Variants in CHCHD3 observed in about 807,000 individuals in gnomAD.
The protein encoded by CHCHD3 is MICOS complex subunit MIC19.
CHCHD3 carries 20 observed loss-of-function variants against 38.2 expected under a neutral mutation model. That is an observed-to-expected ratio of 0.52 (90% CI 0.37 to 0.76). The LOEUF is 0.76. Ranked by LOEUF, CHCHD3 falls within the 30% of genes least tolerant of loss-of-function variation. CHCHD3 has a pLI of 0.00. For missense variants in CHCHD3, 245 were observed against 279.2 expected (o/e 0.88, Z 0.87); for synonymous variants, 82 against 100.0 (o/e 0.82, Z 1.07).
chr7:133,055,441 ATTT>A (rs1222679777), intron 2 of CHCHD3, among the ~76,000 whole-genome samples: 3 of 145,064 alleles, frequency 2.1e-5, no homozygotes, highest in Non-Finnish European at 3.0e-5. Flanking sequence ...TTTGTTATGT[ATTT>A]ATTATAATTA....
chr7:133,065,713 A>C (rs1814649591), intron 2 of CHCHD3, among the ~76,000 whole-genome samples: 1 of 152,234 alleles, frequency 6.6e-6, no homozygotes, highest in African/African-American at 2.4e-5. Flanking sequence ...AGTACTAACT[A>C]AAACTCCTAA....
chr7:133,060,159 ACTT>A (rs891378020), intron 2 of CHCHD3, among the ~76,000 whole-genome samples: 1 of 152,166 alleles, frequency 6.6e-6, no homozygotes, highest in Non-Finnish European at 1.5e-5. Context: ...ACCCTCTGAG[ACTT>A]CTTCTTTTCC....
At chr7:132,887,013 AAC>A (rs1379377846) in intron 4 of CHCHD3, 9 of 1,238,846 alleles carry the variant, frequency 7.3e-6, no homozygotes, top group Middle Eastern at 2.0e-4. Flanking sequence ...AAATAAAATA[AAC>A]AGTTATTTAA....
chr7:133,044,739 G>C (rs1207799010), intron 2 of CHCHD3, among the ~76,000 whole-genome samples: 1 of 152,272 alleles, frequency 6.6e-6, no homozygotes, highest in Non-Finnish European at 1.5e-5. Flanking sequence ...AAAGAGTCAA[G>C]GGAGAGAATG....
At chr7:132,797,758 A>G (rs1296406834) in intron 6 of CHCHD3, among the ~76,000 whole-genome samples, 1 of 152,214 alleles carries the variant, frequency 6.6e-6, no homozygotes, top group African/African-American at 2.4e-5. Context: ...ACCTTATAAT[A>G]TATGCTTGAA....
chr7:132,814,512 G>T (rs1020597684), intron 6 of CHCHD3, among the ~76,000 whole-genome samples: 2 of 152,230 alleles, frequency 1.3e-5, no homozygotes, highest in African/African-American at 2.4e-5. Context: ...TCATAAGCAG[G>T]AATGGGGAAG....
intron 2 of CHCHD3, among the ~76,000 whole-genome samples, chr7:133,064,426 T>C (rs1814610175): frequency 6.6e-6 from 1 of 152,214 alleles, no homozygotes; most frequent in Non-Finnish European, 1.5e-5. Flanking sequence ...ATATTAAAAG[T>C]TGGAAACCTA....
At chr7:132,793,078 G>A (rs1787717888) in intron 7 of CHCHD3, among the ~76,000 whole-genome samples, 1 of 152,164 alleles carries the variant, frequency 6.6e-6, no homozygotes. Context: ...CTACCCATGA[G>A]CAAATACTAT....
intron 4 of CHCHD3, among the ~76,000 whole-genome samples, chr7:132,948,408 G>A (rs563157390): frequency 6.6e-6 from 1 of 152,090 alleles, no homozygotes; most frequent in Non-Finnish European, 1.5e-5. Context: ...GACGGAGAAG[G>A]AGAAGGGAGG....
At chr7:132,861,446 A>T (rs1808489533) in intron 5 of CHCHD3, among the ~76,000 whole-genome samples, 1 of 152,160 alleles carries the variant, frequency 6.6e-6, no homozygotes, top group Non-Finnish European at 1.5e-5. Flanking sequence ...TCCACTCGCT[A>T]GACTCTGAGC....
chr7:133,002,181 G>A (rs760142013), intron 3 of CHCHD3, among the ~76,000 whole-genome samples: 8 of 152,186 alleles, frequency 5.3e-5, no homozygotes, highest in Non-Finnish European at 8.8e-5. Context: ...AGAGAGAAAA[G>A]AGTTATCTGT....
intron 3 of CHCHD3, among the ~76,000 whole-genome samples, chr7:133,023,910 T>A (rs927903118): frequency 9.9e-5 from 15 of 152,186 alleles, no homozygotes; most frequent in Non-Finnish European, 1.2e-4. Flanking sequence ...AATTTTCTAC[T>A]GTTACAAAAA....
At chr7:132,870,386 T>C (rs757084805) in intron 5 of CHCHD3, among the ~76,000 whole-genome samples, 1 of 148,620 alleles carries the variant, frequency 6.7e-6, no homozygotes, top group East Asian at 2.0e-4. Context: ...ATACTTCAAA[T>C]AGAATTCAAC....
chr7:132,925,220 G>C (rs564917029), intron 4 of CHCHD3, among the ~76,000 whole-genome samples: 50 of 152,026 alleles, frequency 3.3e-4, no homozygotes, highest in African/African-American at 1.1e-3. Flanking sequence ...AGAAAAGGGA[G>C]AGGCTCTTAT....
intron 6 of CHCHD3, among the ~76,000 whole-genome samples, chr7:132,822,617 AGG>A (rs750563785): frequency 2.6e-5 from 4 of 152,240 alleles, no homozygotes; most frequent in Non-Finnish European, 5.9e-5. Flanking sequence ...ACAACCCATG[AGG>A]TATTATATGT....
Position 132,974,105 on chromosome 7 carries a change from C to A in CHCHD3, c.369+1064G>T, listed in dbSNP as rs747505721. 6.2e-4 allele frequency: 673 copies of A among 1,093,508 alleles called. 1 individual carries two copies. Among genetic ancestry groups the A allele is most frequent in the Non-Finnish European group, 7.5e-4 (630 of 844,278 alleles). 67.7% of individuals were successfully genotyped at this position (1,093,508 alleles called of 1,614,324 possible). On this transcript the variant is annotated intron_variant, in intron 4 of 7. Coordinates refer to ENST00000262570, the MANE Select transcript of CHCHD3 (RefSeq NM_017812.4). Reference sequence around the variant, plus strand: ...AACATTATTCAGCCATTAAAAACTACATTTCAGAAAAATGTTCAGTGACAT... The same window carrying A: ...AACATTATTCAGCCATTAAAAACTAAATTTCAGAAAAATGTTCAGTGACAT...
At chr7:132,883,054 C>G (rs1478657256) in intron 5 of CHCHD3, among the ~76,000 whole-genome samples, 3 of 152,052 alleles carry the variant, frequency 2.0e-5, no homozygotes, top group Non-Finnish European at 4.4e-5. Context: ...CTCCTGCCAC[C>G]ATGTGAAAAA....
intron 6 of CHCHD3, among the ~76,000 whole-genome samples, chr7:132,800,239 T>C (rs1478841066): frequency 6.6e-6 from 1 of 152,168 alleles, no homozygotes; most frequent in Non-Finnish European, 1.5e-5. Flanking sequence ...AGGACATAAA[T>C]TATTAACTAC....
chr7:133,022,245 A>T (rs1454987073), intron 3 of CHCHD3, among the ~76,000 whole-genome samples: 6 of 152,218 alleles, frequency 3.9e-5, no homozygotes, highest in Non-Finnish European at 7.3e-5. Flanking sequence ...ATGTCCAGCT[A>T]TGAAGTGCTT....
Sources: gnomAD v4.1 joint callset for allele counts (sites outside exome capture counted in the v4.1 genomes callset) on GRCh38, gnomAD v4.1.1 for gene constraint, MANE v1.5 for transcripts, NCBI Gene and HGNC (gene_info 2026-07-23, HGNC 2026-07-21) for gene names.